ST3GAL1: variants seen among roughly 807,000 people sequenced by gnomAD.
The protein encoded by ST3GAL1 is CMP-N-acetylneuraminate-beta-galactosamide-alpha-2,3-sialyltransferase 1.
Under a neutral mutation model 34.1 loss-of-function variants are expected in ST3GAL1, and 16 were observed. The observed-to-expected ratio is 0.47, with a 90% CI of 0.32 to 0.71. The LOEUF (loss-of-function observed/expected upper bound fraction) is 0.71, where lower values mean the gene tolerates loss of function less well. Among genes scored for constraint, ST3GAL1 ranks in the 30% least tolerant of loss-of-function variants. The pLI, the probability that ST3GAL1 is intolerant of heterozygous loss-of-function variation, is 0.04. For synonymous variants in ST3GAL1, 191 were observed against 184.7 expected (o/e 1.03, Z -0.28); for missense variants, 353 against 447.4 (o/e 0.79, Z 1.90).
At position 133,459,620 on chromosome 8, in the gene ST3GAL1, G is replaced by C. The variant is rs553890316; in HGVS notation, c.*144C>G. On this transcript the variant is annotated 3_prime_UTR_variant, in exon 10 of 10. Coordinates refer to ENST00000522652, the MANE Select transcript of ST3GAL1 (RefSeq NM_173344.3). The surrounding 1 kb of genome is among the most constrained non-coding windows in gnomAD (Gnocchi z 4.7). ...CCTTGCTGAGTAGATGCTGCCAACG[G>C]CTGGGTGCAAGAGGCTGTGAGCGGT... 1.9e-4 allele frequency: 193 copies of C among 1,040,814 alleles called. No individual in the cohort carries two copies. Among genetic ancestry groups the C allele is most frequent in the Non-Finnish European group, 2.4e-4 (177 of 744,236 alleles). 64.5% of individuals were successfully genotyped at this position (1,040,814 alleles called of 1,614,324 possible). A position where few individuals can be genotyped will look rare whatever the true frequency, so the allele number is the denominator to read the frequency against.
At chr8:133,562,156 A>T (rs1057243534) in intron 1 of ST3GAL1, among the ~76,000 whole-genome samples, 2 of 152,082 alleles carry the variant, frequency 1.3e-5, no homozygotes, top group African/African-American at 4.8e-5. Flanking sequence ...ATCTGGAGGC[A>T]GAGGCCCATG....
chr8:133,541,569 C>T (rs77132414), intron 2 of ST3GAL1, among the ~76,000 whole-genome samples: 2,349 of 152,266 alleles, frequency 0.015, 62 homozygotes, highest in African/African-American at 0.054. Flanking sequence ...ACCATATACA[C>T]GGTCCACATG....
chr8:133,566,476 T>A (rs899458620), intron 1 of ST3GAL1, among the ~76,000 whole-genome samples: 5 of 152,072 alleles, frequency 3.3e-5, no homozygotes, highest in Non-Finnish European at 5.9e-5. Context: ...GACTCCCGCA[T>A]GCACAACTCT....
At chr8:133,542,838 G>A (rs1352312741) in intron 2 of ST3GAL1, among the ~76,000 whole-genome samples, 2 of 147,802 alleles carry the variant, frequency 1.4e-5, no homozygotes, top group African/African-American at 5.0e-5. Flanking sequence ...TTTATAGTAG[G>A]AAACCAACTA....
intron 2 of ST3GAL1, among the ~76,000 whole-genome samples, chr8:133,532,850 C>T (rs1029618355): frequency 6.6e-6 from 1 of 152,196 alleles, no homozygotes; most frequent in Non-Finnish European, 1.5e-5. Flanking sequence ...CAGCCACATG[C>T]TCCTCCCCAG....
intron 2 of ST3GAL1, among the ~76,000 whole-genome samples, chr8:133,506,532 C>A (rs1563718793): frequency 6.6e-6 from 1 of 152,186 alleles, no homozygotes; most frequent in Non-Finnish European, 1.5e-5. Flanking sequence ...CGCCTGTAAT[C>A]CCAACACTTT....
intron 9 of ST3GAL1, among the ~76,000 whole-genome samples, chr8:133,460,645 G>A (rs1478681141): frequency 6.6e-6 from 1 of 152,212 alleles, no homozygotes; most frequent in East Asian, 1.9e-4. Flanking sequence ...AAGCAGCCTT[G>A]GAGCTTATAG....
At chr8:133,487,031 C>T (rs899242891) in intron 3 of ST3GAL1, among the ~76,000 whole-genome samples, 3 of 152,210 alleles carry the variant, frequency 2.0e-5, no homozygotes, top group Admixed American at 2.0e-4. Context: ...ATAACTTCTG[C>T]CTCCCGGATT....
At chr8:133,538,052 G>A (rs917541164) in intron 2 of ST3GAL1, among the ~76,000 whole-genome samples, 2 of 152,202 alleles carry the variant, frequency 1.3e-5, no homozygotes, top group South Asian at 2.1e-4. Flanking sequence ...AGGGCACTGC[G>A]GAACCATGGA....
At chr8:133,516,801 T>G (rs1488920311) in intron 2 of ST3GAL1, among the ~76,000 whole-genome samples, 1 of 152,128 alleles carries the variant, frequency 6.6e-6, no homozygotes, top group African/African-American at 2.4e-5. Context: ...ATGTGCCCGA[T>G]CACAAAGAAG....
intron 2 of ST3GAL1, among the ~76,000 whole-genome samples, chr8:133,541,419 C>T (rs946782792): frequency 6.6e-6 from 1 of 152,066 alleles, no homozygotes; most frequent in African/African-American, 2.4e-5. Flanking sequence ...TAATCACACC[C>T]TCAACCTGAT....
chr8:133,497,256 C>A (rs1451485990), intron 3 of ST3GAL1, among the ~76,000 whole-genome samples: 1 of 152,158 alleles, frequency 6.6e-6, no homozygotes, highest in Non-Finnish European at 1.5e-5. Flanking sequence ...GAAAGACGGG[C>A]CTGACACAGT....
At chr8:133,540,431 G>C (rs533902621) in intron 2 of ST3GAL1, among the ~76,000 whole-genome samples, 115 of 152,226 alleles carry the variant, frequency 7.6e-4, no homozygotes, top group African/African-American at 2.7e-3. Context: ...AACGGGGAGT[G>C]TCCACCCATG....
Position 133,461,759 on chromosome 8 carries a change from C to T in ST3GAL1, c.849+116G>A, listed in dbSNP as rs985396158. 5.3e-5 allele frequency: 77 copies of T among 1,457,770 alleles called. No individual in the cohort carries two copies. In the African/African-American group the frequency reaches 7.3e-4, roughly 14 times the overall value. The allele number at this position is 1,457,770 out of a possible 1,614,324, so 90.3% of individuals were successfully genotyped here. On this transcript the variant is annotated intron_variant, in intron 9 of 9. Transcript: ENST00000522652. This position sits in a 1 kb window ranked among gnomAD's most constrained non-coding sequence, Gnocchi z 4.7. ...AGTCCTGTCGTAGAGACAGGGAATC[C>T]GAGCTTCCGGAAGAGGCAGGCTAGG... is the stretch of plus-strand genomic sequence containing the variant.
At chr8:133,501,671 C>A (rs1817159956) in intron 2 of ST3GAL1, among the ~76,000 whole-genome samples, 1 of 152,146 alleles carries the variant, frequency 6.6e-6, no homozygotes, top group African/African-American at 2.4e-5. Flanking sequence ...ATCGCTTGAA[C>A]CCAGGAGGTG....
At position 133,533,128 on chromosome 8, in the gene ST3GAL1, G is replaced by C. The variant is rs148879830; in HGVS notation, c.-429+12646C>G. 1.5e-3 allele frequency among the ~76,000 whole-genome samples: 226 copies of C among 152,252 alleles called. 1 individual carries two copies. The highest frequency in any genetic ancestry group is 5.2e-3 in the African/African-American group (215 of 41,518). Reference sequence around the variant, plus strand: ...AATCCCTGGATTTCCATGGAATGTGGGCCTTCTAGTCCCCCAGCGCCCCCG... The same window carrying C: ...AATCCCTGGATTTCCATGGAATGTGCGCCTTCTAGTCCCCCAGCGCCCCCG... On this transcript the variant is annotated intron_variant, in intron 2 of 9. Coordinates refer to ENST00000522652, the MANE Select transcript of ST3GAL1 (RefSeq NM_173344.3).
At chr8:133,553,899 G>A (rs1818930846) in intron 1 of ST3GAL1, among the ~76,000 whole-genome samples, 1 of 152,170 alleles carries the variant, frequency 6.6e-6, no homozygotes, top group Non-Finnish European at 1.5e-5. Context: ...GCCTCACAGT[G>A]AGGGTCCAGA....
chr8:133,457,023 G>C lies in ST3GAL1; in HGVS notation c.*2741C>G, dbSNP rs1482016387. 1 of 152,318 alleles carries C rather than the reference G, an allele frequency of 6.6e-6. No individual in the cohort carries two copies. The highest frequency in any genetic ancestry group is 1.5e-5 in the Non-Finnish European group (1 of 68,112). 9.4% of individuals were successfully genotyped at this position (152,318 alleles called of 1,614,324 possible). A position where few individuals can be genotyped will look rare whatever the true frequency, so the allele number is the denominator to read the frequency against. ...TCCCTACACAGCAGCAGCCTTTTAG[G>C]AAATGTGCTCTACAGGAAAAGTGGT... On this transcript the variant is annotated 3_prime_UTR_variant, in exon 10 of 10. Transcript: ENST00000522652.
chr8:133,541,120 T>TATATATAG (rs71299078), intron 2 of ST3GAL1, among the ~76,000 whole-genome samples: 5 of 48,644 alleles, frequency 1.0e-4, no homozygotes, highest in East Asian at 1.0e-3. Flanking sequence ...TATATATATA[T>TATATATAG]AGAGAGAGAG....
Sources: gnomAD v4.1 joint callset for allele counts (sites outside exome capture counted in the v4.1 genomes callset) on GRCh38, gnomAD v4.1.1 for gene constraint, Gnocchi (gnomAD v3.1) non-coding constraint, MANE v1.5 for transcripts, NCBI Gene and HGNC (gene_info 2026-07-23, HGNC 2026-07-21) for gene names.